Variants in AGBL1 observed in about 807,000 individuals in gnomAD.
AGBL1 encodes the protein AGBL carboxypeptidase 1.
In AGBL1, 130 loss-of-function variants were observed where a neutral mutation model predicts 118.9. That is an observed-to-expected ratio of 1.09 (90% CI 0.95 to 1.26). The LOEUF (loss-of-function observed/expected upper bound fraction) is 1.26, where lower values mean the gene tolerates loss of function less well. Ranked by LOEUF, AGBL1 falls within the 50% of genes most tolerant of loss-of-function variation. The pLI, the probability that AGBL1 is intolerant of heterozygous loss-of-function variation, is 0.00. For synonymous variants in AGBL1, 555 were observed against 478.9 expected, an observed-to-expected ratio of 1.16 and a Z score of -2.08; for missense variants, 1,584 against 1,298.1, an observed-to-expected ratio of 1.22 and a Z score of -3.38.
intron 22 of AGBL1, among the ~76,000 whole-genome samples, chr15:86,868,544 C>T (rs573337894): frequency 6.6e-6 from 1 of 152,322 alleles, no homozygotes; most frequent in African/African-American, 2.4e-5. Context: ...ATTCTAAGTA[C>T]TTTCGAATCT....
intron 22 of AGBL1, among the ~76,000 whole-genome samples, chr15:86,736,066 A>G (rs1357768411): frequency 6.6e-6 from 1 of 152,152 alleles, no homozygotes; most frequent in Admixed American, 6.5e-5. Flanking sequence ...AGCATTGCAA[A>G]GGAGATAAAT....
At chr15:86,177,419 A>G (rs2077496078) in intron 5 of AGBL1, among the ~76,000 whole-genome samples, 2 of 152,206 alleles carry the variant, frequency 1.3e-5, no homozygotes, top group Admixed American at 6.5e-5. Context: ...AATATAGATG[A>G]TTTAAATAAC....
chr15:86,301,678 G>C (rs1015371003), intron 17 of AGBL1, among the ~76,000 whole-genome samples: 2 of 150,210 alleles, frequency 1.3e-5, no homozygotes, highest in Non-Finnish European at 3.0e-5. Context: ...GTGTGTGTGT[G>C]TGTGTGTGTG....
chr15:86,947,933 A>G (rs1467353942), intron 23 of AGBL1, among the ~76,000 whole-genome samples: 1 of 152,232 alleles, frequency 6.6e-6, no homozygotes, highest in Non-Finnish European at 1.5e-5. Context: ...TAGGAGAAAC[A>G]TTAATTATCT....
intron 24 of AGBL1, among the ~76,000 whole-genome samples, chr15:86,999,476 G>GT (rs1455359916): frequency 7.0e-6 from 1 of 143,748 alleles, no homozygotes; most frequent in Non-Finnish European, 1.5e-5. Flanking sequence ...GCGGTGTTTG[G>GT]TTTTTTGTTC....
chr15:86,906,896 C>T (rs1225446800), intron 22 of AGBL1, among the ~76,000 whole-genome samples, 191 bp from the exon 23 acceptor site: 1 of 152,168 alleles, frequency 6.6e-6, no homozygotes, highest in Non-Finnish European at 1.5e-5. Context: ...GGTTAAAACT[C>T]AAAGCAGGAA....
chr15:86,234,125 G>T (rs545911678), intron 6 of AGBL1, among the ~76,000 whole-genome samples: 5 of 152,186 alleles, frequency 3.3e-5, no homozygotes, highest in African/African-American at 1.2e-4. Flanking sequence ...CTATTCCTCT[G>T]TCCTGTGTAT....
At chr15:86,232,303 C>T (rs1404080307) in intron 6 of AGBL1, among the ~76,000 whole-genome samples, 2 of 152,134 alleles carry the variant, frequency 1.3e-5, no homozygotes, top group African/African-American at 2.4e-5. Context: ...TGGGCTGAGC[C>T]GCAGACAGTA....
intron 21 of AGBL1, among the ~76,000 whole-genome samples, chr15:86,591,799 C>T (rs1039841241): frequency 6.6e-6 from 1 of 152,078 alleles, no homozygotes; most frequent in Non-Finnish European, 1.5e-5. Context: ...TAACCTTTAG[C>T]CCCTCTCCTC....
intron 21 of AGBL1, among the ~76,000 whole-genome samples, chr15:86,633,042 G>A (rs2085002216): frequency 6.6e-6 from 1 of 152,098 alleles, no homozygotes; most frequent in Admixed American, 6.5e-5. Context: ...GTAGACATAA[G>A]CCATTCTTTA....
At chr15:86,436,798 G>C (rs532885376) in intron 18 of AGBL1, among the ~76,000 whole-genome samples, 2 of 152,302 alleles carry the variant, frequency 1.3e-5, no homozygotes, top group East Asian at 1.9e-4. Context: ...AAAGACTAAG[G>C]ATGTATAAAT....
chr15:86,414,535 T>C (rs74025123), intron 18 of AGBL1, among the ~76,000 whole-genome samples: 5,046 of 152,276 alleles, frequency 0.033, 277 homozygotes, highest in African/African-American at 0.12. Flanking sequence ...TTGGTGCTAA[T>C]AGATGTTTCA....
intron 21 of AGBL1, among the ~76,000 whole-genome samples, chr15:86,564,462 A>G (rs538492740): frequency 5.3e-4 from 80 of 152,052 alleles, no homozygotes; most frequent in African/African-American, 1.9e-3. Flanking sequence ...GTTGGCCCCC[A>G]CTCTCTTCTG....
At chr15:86,476,660 G>A (rs2082563457) in intron 18 of AGBL1, among the ~76,000 whole-genome samples, 1 of 152,050 alleles carries the variant, frequency 6.6e-6, no homozygotes, top group Admixed American at 6.6e-5. Context: ...CTGTCAACAT[G>A]AGACAGATGA....
intron 17 of AGBL1, among the ~76,000 whole-genome samples, chr15:86,299,077 G>C (rs150870626): frequency 2.0e-5 from 3 of 151,990 alleles, no homozygotes; most frequent in Admixed American, 6.6e-5. Flanking sequence ...CAGTTGAGTC[G>C]TCACCAGATT....
chr15:86,220,008 G>A (rs2078255923), intron 5 of AGBL1, among the ~76,000 whole-genome samples: 1 of 140,452 alleles, frequency 7.1e-6, no homozygotes, highest in Non-Finnish European at 1.5e-5. Context: ...CTGGAGTGCA[G>A]TGGCACAATC....
At chr15:86,963,842 C>T (rs2081018703) in intron 23 of AGBL1, among the ~76,000 whole-genome samples, 1 of 151,894 alleles carries the variant, frequency 6.6e-6, no homozygotes, top group Non-Finnish European at 1.5e-5. Context: ...TTTTTCCCAG[C>T]ACTACCTAGT....
chr15:86,841,447 G>A (rs551822577), intron 22 of AGBL1, among the ~76,000 whole-genome samples: 6 of 152,170 alleles, frequency 3.9e-5, no homozygotes, highest in Admixed American at 1.3e-4. Flanking sequence ...TGTTAGTCTC[G>A]AAAGACCTAT....
At chr15:86,389,779 T>C (rs780928178) in intron 17 of AGBL1, among the ~76,000 whole-genome samples, 2 of 151,762 alleles carry the variant, frequency 1.3e-5, no homozygotes, top group African/African-American at 4.8e-5. Context: ...GAAGGATGTA[T>C]AACTTAAGCT....
Sources: allele counts gnomAD v4.1 joint callset (sites outside exome capture counted in the v4.1 genomes callset), GRCh38; gene constraint gnomAD v4.1.1; transcripts MANE v1.5; gene names NCBI Gene and HGNC (gene_info 2026-07-23, HGNC 2026-07-21).